The following ZBTB20 variants were observed in gnomAD, a reference collection of about 807,000 sequenced individuals.
ZBTB20 encodes the protein zinc finger and BTB domain containing 20, also known as zinc finger and BTB domain-containing protein 20.
Under a neutral mutation model 56.9 loss-of-function variants are expected in ZBTB20, and 9 were observed. The ratio of observed to expected loss-of-function variants is 0.16; its 90% confidence interval spans 0.10 to 0.28. The LOEUF is 0.28. Among genes scored for constraint, ZBTB20 ranks in the 10% least tolerant of loss-of-function variants. The pLI, the probability that ZBTB20 is intolerant of heterozygous loss-of-function variation, is 1.00. For synonymous variants in ZBTB20, 417 were observed against 420.7 expected (o/e 0.99, Z 0.11); for missense variants, 655 against 1,003.0 (o/e 0.65, Z 4.69).
chr3:115,029,579 G>A (rs927478669), intron 2 of ZBTB20, among the ~76,000 whole-genome samples: 2 of 150,724 alleles, frequency 1.3e-5, no homozygotes, highest in Admixed American at 6.6e-5. Flanking sequence ...CAAGAAACAA[G>A]CCTATTTGTA....
At chr3:114,834,013 C>T (rs1353779939) in intron 4 of ZBTB20, among the ~76,000 whole-genome samples, 1 of 152,078 alleles carries the variant, frequency 6.6e-6, no homozygotes, top group African/African-American at 2.4e-5. Flanking sequence ...AGCAATCTCA[C>T]TAACTAATGT....
intron 4 of ZBTB20, among the ~76,000 whole-genome samples, chr3:114,825,657 C>T (rs909969768): frequency 1.3e-5 from 2 of 151,882 alleles, no homozygotes; most frequent in South Asian, 2.1e-4. Flanking sequence ...GGCAGTGTAC[C>T]GTACTACTGA....
At chr3:115,055,243 G>A (rs376278868) in intron 2 of ZBTB20, among the ~76,000 whole-genome samples, 10 of 102,834 alleles carry the variant, frequency 9.7e-5, no homozygotes, top group African/African-American at 4.1e-4. Context: ...ACTAGCCTTG[G>A]AAGAAACCAA....
chr3:114,567,576 T>C (rs917819981), intron 6 of ZBTB20, among the ~76,000 whole-genome samples: 1 of 152,166 alleles, frequency 6.6e-6, no homozygotes, highest in African/African-American at 2.4e-5. Flanking sequence ...TATACTCCAT[T>C]CTGACTTATC....
intron 2 of ZBTB20, among the ~76,000 whole-genome samples, chr3:114,992,078 C>G (rs528520822): frequency 7.2e-5 from 11 of 152,002 alleles, no homozygotes; most frequent in Admixed American, 2.0e-4. Flanking sequence ...TTCAACTTCT[C>G]TCTCTTTCTG....
chr3:114,426,142 T>C (rs140363763), intron 7 of ZBTB20, among the ~76,000 whole-genome samples: 2,539 of 152,134 alleles, frequency 0.017, 74 homozygotes, highest in African/African-American at 0.058. Context: ...GAGACCATCC[T>C]GGCTAACACG....
chr3:114,541,110 T>C (rs1475079377), intron 6 of ZBTB20, among the ~76,000 whole-genome samples: 3 of 152,114 alleles, frequency 2.0e-5, no homozygotes, highest in African/African-American at 7.2e-5. Flanking sequence ...TTACTTCTTG[T>C]CCAGGTTAAA....
intron 6 of ZBTB20, among the ~76,000 whole-genome samples, chr3:114,551,553 G>C (rs1055909613): frequency 1.3e-5 from 2 of 152,048 alleles, no homozygotes; most frequent in African/African-American, 2.4e-5. Context: ...TTTGAGGATA[G>C]GTAATATTTG....
intron 6 of ZBTB20, among the ~76,000 whole-genome samples, chr3:114,593,418 C>T (rs1285603640): frequency 2.1e-5 from 3 of 140,456 alleles, no homozygotes; most frequent in African/African-American, 5.4e-5. Flanking sequence ...GAGTGTCGCT[C>T]TTGTGGCCCA....
At chr3:115,140,711 T>C (rs921712985) in intron 1 of ZBTB20, among the ~76,000 whole-genome samples, 6 of 152,150 alleles carry the variant, frequency 3.9e-5, no homozygotes, top group African/African-American at 1.4e-4. Flanking sequence ...TACAAATACA[T>C]TTCTAGAAAC....
At chr3:114,959,949 A>C (rs2077387276) in intron 3 of ZBTB20, among the ~76,000 whole-genome samples, 1 of 152,232 alleles carries the variant, frequency 6.6e-6, no homozygotes, top group Non-Finnish European at 1.5e-5. Flanking sequence ...CCATTTTCAC[A>C]AAGTACTGAA....
intron 3 of ZBTB20, among the ~76,000 whole-genome samples, chr3:114,906,144 A>C (rs572780170): frequency 6.6e-6 from 1 of 151,992 alleles, no homozygotes; most frequent in South Asian, 2.1e-4. Context: ...TTAGTGCCTG[A>C]CACACAGTCA....
intron 4 of ZBTB20, among the ~76,000 whole-genome samples, chr3:114,831,530 A>T (rs1233461744): frequency 1.3e-5 from 2 of 152,068 alleles, no homozygotes; most frequent in African/African-American, 4.8e-5. Context: ...GTCAGGCAAC[A>T]TTCATACAGC....
At chr3:114,492,791 G>T (rs979304904) in intron 7 of ZBTB20, among the ~76,000 whole-genome samples, 1 of 152,254 alleles carries the variant, frequency 6.6e-6, no homozygotes, top group South Asian at 2.1e-4. Context: ...TGCCCAAATG[G>T]TAACATTTTA....
intron 7 of ZBTB20, among the ~76,000 whole-genome samples, chr3:114,428,467 A>G (rs1486888389): frequency 6.6e-6 from 1 of 152,226 alleles, no homozygotes; most frequent in Non-Finnish European, 1.5e-5. Context: ...GAAGGGGCCC[A>G]GAAGTGGGGA....
chr3:114,799,263 G>C (rs1478637157), intron 5 of ZBTB20, among the ~76,000 whole-genome samples: 1 of 151,898 alleles, frequency 6.6e-6, no homozygotes. Context: ...GTTGATTCTA[G>C]TGTGTGGGAT....
chr3:115,124,371 T>C (rs914902864), intron 1 of ZBTB20, among the ~76,000 whole-genome samples: 11 of 152,258 alleles, frequency 7.2e-5, no homozygotes, highest in Middle Eastern at 3.4e-3. Flanking sequence ...CATCAACAAA[T>C]GTAAGCCAAA....
chr3:114,574,484 C>G (rs1371706116), intron 6 of ZBTB20, among the ~76,000 whole-genome samples: 2 of 152,156 alleles, frequency 1.3e-5, no homozygotes, highest in Non-Finnish European at 2.9e-5. Flanking sequence ...ACTTTGAATC[C>G]TAGTGAATTA....
At chr3:115,044,417 T>G (rs916041003) in intron 2 of ZBTB20, among the ~76,000 whole-genome samples, 6 of 152,298 alleles carry the variant, frequency 3.9e-5, no homozygotes, top group African/African-American at 1.2e-4. Context: ...AGACCTCCAA[T>G]GAGAAGGCAA....
Sources: allele counts gnomAD v4.1 joint callset (sites outside exome capture counted in the v4.1 genomes callset), GRCh38; gene constraint gnomAD v4.1.1; transcripts MANE v1.5; gene names NCBI Gene and HGNC (gene_info 2026-07-23, HGNC 2026-07-21).